Variants in CYB5R4 observed in about 807,000 individuals in gnomAD.
CYB5R4 encodes the protein N-terminal cytochrome b5 and cytochrome b5 oxidoreductase domain-containing protein.
In CYB5R4, 55 loss-of-function variants were observed where a neutral mutation model predicts 70.2. The ratio of observed to expected loss-of-function variants is 0.78; its 90% confidence interval spans 0.63 to 0.98. The LOEUF (loss-of-function observed/expected upper bound fraction) is 0.98. Ranked by LOEUF, CYB5R4 falls within the 50% of genes least tolerant of loss-of-function variation. The pLI is 0.00. For synonymous variants in CYB5R4, 197 were observed against 199.5 expected (o/e 0.99, Z 0.11); for missense variants, 562 against 612.6 (o/e 0.92, Z 0.87).
At chr6:83,939,432 T>C (rs1049003909) in intron 12 of CYB5R4, among the ~76,000 whole-genome samples, 4 of 152,204 alleles carry the variant, frequency 2.6e-5, no homozygotes, top group Non-Finnish European at 5.9e-5. Flanking sequence ...GCTCCAAGTA[T>C]AGTTGACTGC....
intron 2 of CYB5R4, among the ~76,000 whole-genome samples, chr6:83,893,317 G>A (rs1487983415): frequency 6.6e-6 from 1 of 152,156 alleles, no homozygotes; most frequent in African/African-American, 2.4e-5. Context: ...TTATCTGCCA[G>A]GACCCATGAA....
chr6:83,873,525 G>A (rs1260438383), intron 2 of CYB5R4, among the ~76,000 whole-genome samples: 1 of 152,152 alleles, frequency 6.6e-6, no homozygotes, highest in Non-Finnish European at 1.5e-5. Context: ...ACAGGCATGA[G>A]CCACCTTCTG....
intron 12 of CYB5R4, among the ~76,000 whole-genome samples, chr6:83,938,467 A>G (rs1347504017): frequency 3.3e-5 from 5 of 152,204 alleles, no homozygotes; most frequent in East Asian, 1.9e-4. Context: ...CTTTGTTTCA[A>G]TCCCGTGTTC....
At chr6:83,939,160 A>G (rs1374685187) in intron 12 of CYB5R4, among the ~76,000 whole-genome samples, 9 of 152,138 alleles carry the variant, frequency 5.9e-5, no homozygotes. Context: ...TTATTTCATC[A>G]ACTACTGCAA....
chr6:83,933,528 A>T (rs1423109777), intron 10 of CYB5R4, among the ~76,000 whole-genome samples: 1 of 152,208 alleles, frequency 6.6e-6, no homozygotes, highest in African/African-American at 2.4e-5. Context: ...GCTTAAAAAA[A>T]AGAGAATAGA....
At chr6:83,882,547 G>A (rs1268363044) in intron 2 of CYB5R4, among the ~76,000 whole-genome samples, 1 of 152,064 alleles carries the variant, frequency 6.6e-6, no homozygotes, top group East Asian at 1.9e-4. Context: ...ATATTTATAA[G>A]GTCAGAATAT....
At chr6:83,935,689 T>C (rs2099468809) in intron 11 of CYB5R4, among the ~76,000 whole-genome samples, 1 of 152,150 alleles carries the variant, frequency 6.6e-6, no homozygotes, top group Non-Finnish European at 1.5e-5. Flanking sequence ...TTAACATTCT[T>C]TTTATTCAGT....
rs148977115 is a variant in CYB5R4, at chr6:83,935,288, G to A, written c.955+553G>A. Among the ~76,000 whole-genome samples the A allele has an allele frequency of 7.8e-4, 119 of 151,994 alleles. 2 individuals carry two copies. The East Asian group carries it at 0.02, about 25-fold the overall frequency. On this transcript the variant is annotated intron_variant, in intron 11 of 15. Transcript: ENST00000369681. ...TCTTATTGACGTCCAACATTTTCTT[G>A]GCCTTTTGAAGCTGCAAACGGTAAA...
At chr6:83,923,175 G>A (rs931231581) in intron 9 of CYB5R4, among the ~76,000 whole-genome samples, 2 of 151,594 alleles carry the variant, frequency 1.3e-5, no homozygotes, top group African/African-American at 4.9e-5. Flanking sequence ...AATGTTTAAT[G>A]TTGAGAGAGC....
chr6:83,864,240 A>G lies in CYB5R4; in HGVS notation c.141A>G (p.Leu47=), dbSNP rs747810530. Residue 47 remains leucine (L), a synonymous_variant, in exon 2 of 16, where the codon CTA becomes CTG. Coordinates refer to ENST00000369681, the MANE Select transcript of CYB5R4 (RefSeq NM_016230.4). ...GACTGACCAAAAGTGGAAAGGATCT[A>G]ACGGGATTAAAAGGCAGGTTAATTG... ...WIRLTKSGKD[L]TGLKGRLIEV... The G allele has an allele frequency of 6.2e-7, 1 of 1,613,548 alleles. No individual in the cohort carries two copies. The highest frequency in any genetic ancestry group is 1.1e-5 in the South Asian group (1 of 91,018).
At chr6:83,931,610 G>A (rs1240441744) in intron 10 of CYB5R4, among the ~76,000 whole-genome samples, 1 of 151,958 alleles carries the variant, frequency 6.6e-6, no homozygotes, top group African/African-American at 2.4e-5. Context: ...ATTCAAATAA[G>A]TTAGGTATTT....
At chr6:83,875,881 A>G (rs2099458459) in intron 2 of CYB5R4, among the ~76,000 whole-genome samples, 1 of 152,140 alleles carries the variant, frequency 6.6e-6, no homozygotes, top group Non-Finnish European at 1.5e-5. Context: ...GATACTATTA[A>G]TTTGTTCCCT....
In CYB5R4 at chr6:83,914,445, A is replaced by C; in HGVS notation, c.442A>C (p.Asn148His). 1.3e-6 allele frequency: 2 copies of C among 1,523,670 alleles called. No individual in the cohort carries two copies. Among genetic ancestry groups the C allele is most frequent in the Non-Finnish European group, 1.8e-6 (2 of 1,118,614 alleles). The allele number at this position is 1,523,670 out of a possible 1,614,324, so 94.4% of individuals were successfully genotyped here. A position where few individuals can be genotyped will look rare whatever the true frequency, so the allele number is the denominator to read the frequency against. Residue 148 changes from asparagine to histidine, a missense_variant, in exon 5 of 16, where the codon AAT (asparagine) becomes CAT (histidine). By Grantham distance (68) the Asn-to-His change is moderately conservative. Transcript: ENST00000369681. Reference sequence around the variant, plus strand: ...TCGTGAGGAGGAAAAGAAAGTCTTAAATGGTAAGTCTATAAATTTATAATA... The same window carrying C: ...TCGTGAGGAGGAAAAGAAAGTCTTACATGGTAAGTCTATAAATTTATAATA... ...DYREEEKKVL[N>H]GMLPKSQVTD...
At chr6:83,908,051 C>G (rs979212159) in intron 3 of CYB5R4, among the ~76,000 whole-genome samples, 12 of 152,218 alleles carry the variant, frequency 7.9e-5, no homozygotes, top group Admixed American at 4.6e-4. Context: ...GAGGAATCAC[C>G]ATATCACTTT....
At chr6:83,952,883 G>A (rs1252033439) in intron 14 of CYB5R4, among the ~76,000 whole-genome samples, 1 of 152,114 alleles carries the variant, frequency 6.6e-6, no homozygotes, top group South Asian at 2.1e-4. Flanking sequence ...GTCAGTATTG[G>A]GACTGGCAAT....
At chr6:83,918,921 A>G in intron 6 of CYB5R4, among the ~76,000 whole-genome samples, 1 of 152,156 alleles carries the variant, frequency 6.6e-6, no homozygotes, top group East Asian at 1.9e-4. Flanking sequence ...AATTTGATCA[A>G]TAGCTGTAAC....
In CYB5R4 at chr6:83,888,949, T is replaced by A. The variant is rs1270990554; in HGVS notation, c.230-4573T>A. On this transcript the variant is annotated intron_variant, in intron 2 of 15. Coordinates refer to ENST00000369681, the MANE Select transcript of CYB5R4 (RefSeq NM_016230.4). ...ACCTTATTGGTGATATGGAGAAAGC[T>A]TTAGTGGTGTGGATAGATTAAACCA... Among the ~76,000 whole-genome samples, 5 of 152,206 alleles carry A rather than the reference T, an allele frequency of 3.3e-5. No homozygotes were observed. The East Asian group carries it at 7.7e-4, about 23-fold the overall frequency.
chr6:83,956,261 C>T lies in CYB5R4; in HGVS notation c.1511+799C>T, dbSNP rs141579166. Among the ~76,000 whole-genome samples the T allele has an allele frequency of 4.2e-3, 632 of 152,132 alleles. 4 individuals are homozygous for T. Among genetic ancestry groups the T allele is most frequent in the African/African-American group, 0.014 (577 of 41,508 alleles). ...CCTGAGAACATGTGCCCAAGGTGGT[C>T]GGGGCATAGCTTGGTTTGATACATT... On this transcript the variant is annotated intron_variant, in intron 15 of 15. Coordinates refer to ENST00000369681, the MANE Select transcript of CYB5R4 (RefSeq NM_016230.4).
In CYB5R4 at chr6:83,960,783, G is replaced by C. The variant is rs1480978056; in HGVS notation, c.*905G>C. 1 of 152,196 alleles carries C rather than the reference G, an allele frequency of 6.6e-6. No individual in the cohort carries two copies. The highest frequency in any genetic ancestry group is 1.5e-5 in the Non-Finnish European group (1 of 68,038). The allele number at this position is 152,196 out of a possible 1,614,324, so 9.4% of individuals were successfully genotyped here. On this transcript the variant is annotated 3_prime_UTR_variant, in exon 16 of 16. Transcript: ENST00000369681. Reference sequence around the variant, plus strand: ...CTGGTTGGCTGCTTTCTCCACAACTGGTGGTTCAGCAGGAAGCCCTCTTAG... The same window carrying C: ...CTGGTTGGCTGCTTTCTCCACAACTCGTGGTTCAGCAGGAAGCCCTCTTAG...
Sources: gnomAD v4.1 joint callset for allele counts (sites outside exome capture counted in the v4.1 genomes callset) on GRCh38, gnomAD v4.1.1 for gene constraint, MANE v1.5 for transcripts, NCBI Gene and HGNC (gene_info 2026-07-23, HGNC 2026-07-21) for gene names.